Variants in YTHDC1 observed in about 807,000 individuals in gnomAD.
YTHDC1 encodes the protein YTH N6-methyladenosine RNA binding protein C1.
A neutral mutation model predicts 107.0 loss-of-function variants in YTHDC1; 12 were observed. That is an observed-to-expected ratio of 0.11 (90% CI 0.07 to 0.18). The LOEUF is 0.18. YTHDC1 is among the 10% of genes least tolerant of loss of function. The pLI is 1.00. For missense variants in YTHDC1, 635 were observed against 898.8 expected, an observed-to-expected ratio of 0.71 and a Z score of 3.75; for synonymous variants, 280 against 289.5, an observed-to-expected ratio of 0.97 and a Z score of 0.33.
intron 9 of YTHDC1, among the ~76,000 whole-genome samples, chr4:68,324,446 T>A (rs971786059): frequency 6.6e-6 from 1 of 152,234 alleles, no homozygotes; most frequent in Non-Finnish European, 1.5e-5. Flanking sequence ...AGAACCAAGA[T>A]AACTTGGGGC....
chr4:68,347,018 T>C (rs1273132278), intron 1 of YTHDC1, among the ~76,000 whole-genome samples: 4 of 152,192 alleles, frequency 2.6e-5, no homozygotes, highest in Admixed American at 6.5e-5. Context: ...GCTTTCGTTA[T>C]CATACTGCAC....
At chr4:68,332,309 G>T in intron 6 of YTHDC1, 112 bp from the exon 7 acceptor site, 1 of 580,304 alleles carries the variant, frequency 1.7e-6, no homozygotes, top group Non-Finnish European at 2.9e-6. Context: ...CTTTTAAAAC[G>T]CAACAATCAC....
At chr4:68,335,299 A>C (rs1260317077) in intron 4 of YTHDC1, among the ~76,000 whole-genome samples, 1 of 152,124 alleles carries the variant, frequency 6.6e-6, no homozygotes, top group African/African-American at 2.4e-5. Context: ...ATAAAAAAAA[A>C]TTTCCTGCAT....
At chr4:68,340,986 C>G (rs1461338400) in intron 1 of YTHDC1, among the ~76,000 whole-genome samples, 1 of 152,074 alleles carries the variant, frequency 6.6e-6, no homozygotes, top group Non-Finnish European at 1.5e-5. Context: ...TTAGAAAGCA[C>G]CTACAACCTT....
chr4:68,323,420 A>G (rs1158748972), intron 10 of YTHDC1, among the ~76,000 whole-genome samples: 2 of 152,218 alleles, frequency 1.3e-5, no homozygotes, highest in African/African-American at 4.8e-5. Context: ...ACTCATGAGC[A>G]ATAAAATGTC....
In YTHDC1 at chr4:68,344,357, C is replaced by A. The variant is rs532259713; in HGVS notation, c.28+5369G>T. ...AAAACCCAAGGCTCAGTTTAATACACTAAGGCACAGGAACATCAAACTAGT... is the reference window on the plus strand; with the variant it reads ...AAAACCCAAGGCTCAGTTTAATACAATAAGGCACAGGAACATCAAACTAGT... On this transcript the variant is annotated intron_variant, in intron 1 of 16. Coordinates refer to ENST00000344157, the MANE Select transcript of YTHDC1 (RefSeq NM_001031732.4). Among the ~76,000 whole-genome samples the A allele has an allele frequency of 7.9e-5, 12 of 151,064 alleles. No homozygotes were observed. The South Asian group carries it at 2.6e-3, about 32-fold the overall frequency.
At chr4:68,342,794 C>T (rs1724991006) in intron 1 of YTHDC1, among the ~76,000 whole-genome samples, 1 of 152,142 alleles carries the variant, frequency 6.6e-6, no homozygotes, top group Non-Finnish European at 1.5e-5. Flanking sequence ...CTCTCACAAG[C>T]TACTGCTGTT....
intron 1 of YTHDC1, among the ~76,000 whole-genome samples, chr4:68,346,672 AT>A (rs1263383636): frequency 6.6e-6 from 1 of 152,184 alleles, no homozygotes; most frequent in Non-Finnish European, 1.5e-5. Flanking sequence ...CGGGTAGTAG[AT>A]CAACTGTCCA....
At chr4:68,315,233 T>C (rs1405934380) in intron 16 of YTHDC1, among the ~76,000 whole-genome samples, 1 of 152,192 alleles carries the variant, frequency 6.6e-6, no homozygotes, top group Non-Finnish European at 1.5e-5. Context: ...ACTACTAATT[T>C]AAAGTTTGTG....
At position 68,312,706 on chromosome 4, in the gene YTHDC1, A is replaced by G. The variant is rs1448982605; in HGVS notation, c.*1393T>C. ...CCTGTGTTGTTCTTTTCAGGCCAAT[A>G]TAGATTAAATGTAAAACTGTACTAT... On this transcript the variant is annotated 3_prime_UTR_variant, in exon 17 of 17. Coordinates refer to ENST00000344157, the MANE Select transcript of YTHDC1 (RefSeq NM_001031732.4). 1 of 152,200 alleles carries G rather than the reference A, an allele frequency of 6.6e-6. No individual in the cohort carries two copies. The highest frequency in any genetic ancestry group is 1.9e-4 in the East Asian group (1 of 5,198). The allele number at this position is 152,200 out of a possible 1,614,324, so 9.4% of individuals were successfully genotyped here.
chr4:68,314,294 G>A lies in YTHDC1; in HGVS notation c.1989C>T (p.Phe663=). ...VHDYDMRVDD[F]LRRTQAVVSG... is the part of the protein sequence containing the mutation. ...TGACAACAGCTTGTGTGCGACGAAG[G>A]AAATCATCCACCCTCATATCATAAT... Residue 663 remains phenylalanine, a synonymous_variant, in exon 17 of 17, where the codon TTC becomes TTT. Coordinates refer to ENST00000344157, the MANE Select transcript of YTHDC1 (RefSeq NM_001031732.4). 6.2e-7 allele frequency: 1 copy of A among 1,613,812 alleles called. No individual in the cohort carries two copies. Among genetic ancestry groups the A allele is most frequent in the Admixed American group, 1.7e-5 (1 of 59,980 alleles).
In YTHDC1 at chr4:68,349,715, T is replaced by A. The variant is rs1304175336; in HGVS notation, c.28+11A>T. The A allele has an allele frequency of 6.2e-7, 1 of 1,603,918 alleles. No homozygotes were observed. On this transcript the variant is annotated intron_variant, in intron 1 of 16. Coordinates refer to ENST00000344157, the MANE Select transcript of YTHDC1 (RefSeq NM_001031732.4). Reference sequence around the variant, plus strand: ...GCCTCGCCTCGGCCCGTCATCTTTCTCCGCACTAACCTTTCTCCTCCCGAC... The same window carrying A: ...GCCTCGCCTCGGCCCGTCATCTTTCACCGCACTAACCTTTCTCCTCCCGAC...
chr4:68,345,294 C>T (rs1237152130), intron 1 of YTHDC1, among the ~76,000 whole-genome samples: 2 of 151,954 alleles, frequency 1.3e-5, no homozygotes, highest in African/African-American at 2.4e-5. Context: ...GAAGACAGTG[C>T]TATTTATTAA....
chr4:68,318,647 G>A, intron 14 of YTHDC1, 43 bp downstream of exon 14: 2 of 1,605,682 alleles, frequency 1.2e-6, no homozygotes, highest in Non-Finnish European at 1.7e-6. Context: ...ATAAATCAGA[G>A]CCTGATTTTA....
At chr4:68,325,649 C>T (rs1722915314) in intron 9 of YTHDC1, among the ~76,000 whole-genome samples, 1 of 152,100 alleles carries the variant, frequency 6.6e-6, no homozygotes, top group Non-Finnish European at 1.5e-5. Flanking sequence ...TCCGAAAATG[C>T]TAGGATTACA....
intron 1 of YTHDC1, among the ~76,000 whole-genome samples, 178 bp downstream of exon 1, chr4:68,349,548 G>A (rs1227313228): frequency 6.6e-6 from 1 of 151,912 alleles, no homozygotes; most frequent in Non-Finnish European, 1.5e-5. Flanking sequence ...GACTGAGGAC[G>A]AAAGGGCAGG....
rs1171771262 is a variant in YTHDC1, at chr4:68,311,351, T to C, written c.*2748A>G. The C allele has an allele frequency of 6.6e-6, 1 of 151,430 alleles. No homozygotes were observed. The highest frequency in any genetic ancestry group is 2.4e-5 in the African/African-American group (1 of 41,284). 9.4% of individuals were successfully genotyped at this position (151,430 alleles called of 1,614,324 possible). The stretch of plus-strand genomic sequence containing the variant: ...TTATGGAGGAAATCAAATCCAAAAA[T>C]TACATGCTTGAATTTTCACTCCTTT... On this transcript the variant is annotated 3_prime_UTR_variant, in exon 17 of 17. Coordinates refer to ENST00000344157, the MANE Select transcript of YTHDC1 (RefSeq NM_001031732.4).
chr4:68,347,612 T>C (rs749633798), intron 1 of YTHDC1, among the ~76,000 whole-genome samples: 6 of 152,226 alleles, frequency 3.9e-5, no homozygotes, highest in African/African-American at 9.6e-5. Context: ...CTGCAACTTA[T>C]AGACTCATTT....
rs560395181 is a variant in YTHDC1, at chr4:68,337,325, C to T, written c.585G>A (p.Gly195=). The change falls in exon 4 of 17, where the codon GGG becomes GGA. Residue 195 remains glycine (G), a synonymous_variant. Transcript: ENST00000344157. The part of the protein sequence containing the change: ...TGSSGSSDEQ[G]NNTENEEEGV... The stretch of plus-strand genomic sequence containing the variant: ...CTTCCTCCTCATTCTCAGTGTTGTT[C>T]CCTTGCTCATCAGAAGAACCACTGC... The T allele has an allele frequency of 2.9e-4, 476 of 1,614,038 alleles. 3 individuals are homozygous for T. The South Asian group carries it at 4.9e-3, about 17-fold the overall frequency.
Sources: allele counts gnomAD v4.1 joint callset (sites outside exome capture counted in the v4.1 genomes callset), GRCh38; gene constraint gnomAD v4.1.1; transcripts MANE v1.5; gene names NCBI Gene and HGNC (gene_info 2026-07-23, HGNC 2026-07-21).